The following SPIDR variants were observed in gnomAD, a reference collection of about 807,000 sequenced individuals.
SPIDR encodes the protein scaffold protein involved in DNA repair, also known as DNA repair-scaffolding protein.
Under a neutral mutation model 104.6 loss-of-function variants are expected in SPIDR, and 93 were observed. The observed-to-expected ratio is 0.89, with a 90% CI of 0.75 to 1.06. The LOEUF (loss-of-function observed/expected upper bound fraction) is 1.06, where lower values mean the gene tolerates loss of function less well. Among genes scored for constraint, SPIDR ranks in the 50% least tolerant of loss-of-function variants. The pLI is 0.00. For missense variants in SPIDR, 1,154 were observed against 1,111.2 expected, an observed-to-expected ratio of 1.04 and a Z score of -0.55; for synonymous variants, 431 against 416.9, an observed-to-expected ratio of 1.03 and a Z score of -0.41.
intron 7 of SPIDR, among the ~76,000 whole-genome samples, chr8:47,422,060 C>T (rs1223159879): frequency 6.6e-6 from 1 of 152,166 alleles, no homozygotes; most frequent in Non-Finnish European, 1.5e-5. Context: ...GAGGTCAGGG[C>T]CCCACTTGAG....
At chr8:47,651,461 A>G (rs760268252) in intron 10 of SPIDR, among the ~76,000 whole-genome samples, 4 of 152,172 alleles carry the variant, frequency 2.6e-5, no homozygotes, top group Non-Finnish European at 5.9e-5. Flanking sequence ...AGATACTGGA[A>G]CGGACGTGGT....
intron 1 of SPIDR, among the ~76,000 whole-genome samples, chr8:47,279,061 G>GTT (rs1187275785): frequency 1.3e-4 from 17 of 134,674 alleles, no homozygotes; most frequent in Admixed American, 1.5e-4. Context: ...TCACTAAAAA[G>GTT]TTTTTTTTTT....
intron 8 of SPIDR, among the ~76,000 whole-genome samples, chr8:47,576,577 G>T (rs2059154016): frequency 6.6e-6 from 1 of 152,108 alleles, no homozygotes; most frequent in African/African-American, 2.4e-5. Context: ...AGGATTACAG[G>T]TGTGGGCCAG....
At chr8:47,625,528 C>T (rs917003744) in intron 10 of SPIDR, among the ~76,000 whole-genome samples, 15 of 152,236 alleles carry the variant, frequency 9.9e-5, no homozygotes, top group Non-Finnish European at 2.2e-4. Flanking sequence ...TGATAAGCAA[C>T]TTCAGCAAAG....
At chr8:47,704,609 C>A (rs575937420) in intron 14 of SPIDR, among the ~76,000 whole-genome samples, 195 of 152,336 alleles carry the variant, frequency 1.3e-3, no homozygotes, top group Non-Finnish European at 2.3e-3. Flanking sequence ...CCTTGTCTGT[C>A]AAATGGGTGT....
At chr8:47,479,443 GAGA>G (rs2076644261) in intron 8 of SPIDR, among the ~76,000 whole-genome samples, 1 of 152,088 alleles carries the variant, frequency 6.6e-6, no homozygotes, top group Non-Finnish European at 1.5e-5. Flanking sequence ...TATCTTATAA[GAGA>G]AGGTTTCCCC....
intron 8 of SPIDR, among the ~76,000 whole-genome samples, chr8:47,454,449 G>T (rs868949287): frequency 6.6e-6 from 1 of 151,946 alleles, no homozygotes; most frequent in African/African-American, 2.4e-5. Context: ...GACACAGGAA[G>T]GGAAACATCA....
At chr8:47,525,367 T>C (rs1322978636) in intron 8 of SPIDR, among the ~76,000 whole-genome samples, 1 of 152,224 alleles carries the variant, frequency 6.6e-6, no homozygotes, top group Admixed American at 6.5e-5. Context: ...AAAAAAAGTA[T>C]CTTTCTTTCT....
At chr8:47,404,894 A>C (rs2062498740) in intron 6 of SPIDR, among the ~76,000 whole-genome samples, 1 of 152,218 alleles carries the variant, frequency 6.6e-6, no homozygotes, top group Admixed American at 6.6e-5. Flanking sequence ...CTATAAAGAC[A>C]CATTGACACG....
chr8:47,270,637 T>A (rs1241618890), intron 1 of SPIDR, among the ~76,000 whole-genome samples: 2 of 152,128 alleles, frequency 1.3e-5, no homozygotes, highest in Non-Finnish European at 2.9e-5. Context: ...TCTCTGTCAT[T>A]TATTTCTGCC....
chr8:47,386,210 T>C (rs764756089), intron 5 of SPIDR, among the ~76,000 whole-genome samples: 1 of 152,132 alleles, frequency 6.6e-6, no homozygotes, highest in African/African-American at 2.4e-5. Context: ...CATTGGATAG[T>C]CTATTCCTGT....
At chr8:47,359,252 C>CA (rs11372277) in intron 5 of SPIDR, among the ~76,000 whole-genome samples, 65,222 of 114,638 alleles carry the variant, frequency 0.57, 18,260 homozygotes, top group East Asian at 0.73. Flanking sequence ...GACTCCGTCT[C>CA]AAAAAAAAAA....
At chr8:47,467,983 T>C (rs1017210791) in intron 8 of SPIDR, among the ~76,000 whole-genome samples, 8 of 152,186 alleles carry the variant, frequency 5.3e-5, no homozygotes, top group African/African-American at 1.7e-4. Context: ...CAAAAGCTCC[T>C]TAAGCTGATA....
At chr8:47,520,403 TAA>T (rs907663884) in intron 8 of SPIDR, among the ~76,000 whole-genome samples, 1 of 152,190 alleles carries the variant, frequency 6.6e-6, no homozygotes, top group African/African-American at 2.4e-5. Context: ...TTGAATTGTT[TAA>T]TTTTATGCTT....
intron 11 of SPIDR, among the ~76,000 whole-genome samples, chr8:47,693,798 C>A (rs2078992811): frequency 6.6e-6 from 1 of 152,228 alleles, no homozygotes; most frequent in Admixed American, 6.5e-5. Context: ...TGTCCTTGTA[C>A]AGAACCCAAC....
chr8:47,494,934 C>A (rs1333869141), intron 8 of SPIDR, among the ~76,000 whole-genome samples: 1 of 151,936 alleles, frequency 6.6e-6, no homozygotes, highest in Non-Finnish European at 1.5e-5. Flanking sequence ...ATGTTTTCAC[C>A]CCAGTGAAGG....
At chr8:47,273,580 T>G (rs1185238438) in intron 1 of SPIDR, among the ~76,000 whole-genome samples, 10 of 143,340 alleles carry the variant, frequency 7.0e-5, no homozygotes, top group African/African-American at 1.8e-4. Flanking sequence ...TAAAGAGTTG[T>G]TTTTTTTTTT....
chr8:47,351,785 A>G (rs2053550015), intron 5 of SPIDR, among the ~76,000 whole-genome samples: 1 of 152,214 alleles, frequency 6.6e-6, no homozygotes, highest in African/African-American at 2.4e-5. Flanking sequence ...GAGATGAATT[A>G]AAGTATACAG....
intron 16 of SPIDR, among the ~76,000 whole-genome samples, chr8:47,725,266 T>C (rs1341390656): frequency 2.0e-5 from 3 of 152,248 alleles, no homozygotes; most frequent in Non-Finnish European, 4.4e-5. Flanking sequence ...AAGACATTTC[T>C]GCACATAAGA....
Sources: gnomAD v4.1 joint callset for allele counts (sites outside exome capture counted in the v4.1 genomes callset) on GRCh38, gnomAD v4.1.1 for gene constraint, MANE v1.5 for transcripts, NCBI Gene and HGNC (gene_info 2026-07-23, HGNC 2026-07-21) for gene names.